The following THADA variants were observed in gnomAD, a reference collection of about 807,000 sequenced individuals.
THADA encodes the protein THADA armadillo repeat containing.
Under a neutral mutation model 219.8 loss-of-function variants are expected in THADA, and 213 were observed. The observed-to-expected ratio is 0.97, with a 90% CI of 0.87 to 1.09. THADA has a LOEUF of 1.09. Ranked by LOEUF, THADA falls within the 50% of genes least tolerant of loss-of-function variation. The pLI, the probability that THADA is intolerant of heterozygous loss-of-function variation, is 0.00. For missense variants in THADA, 2,956 were observed against 2,311.3 expected (o/e 1.28, Z -5.72); for synonymous variants, 1,018 against 828.9 (o/e 1.23, Z -3.92).
Position 43,448,616 on chromosome 2 carries a change from T to G in THADA, c.3837-18314A>C, listed in dbSNP as rs1440181086. 6.3e-5 allele frequency among the ~76,000 whole-genome samples: 9 copies of G among 143,934 alleles called. No individual in the cohort carries two copies. The East Asian group carries it at 1.7e-3, about 28-fold the overall frequency. The allele number at this position is 143,934 out of a possible 152,430, so 94.4% of individuals were successfully genotyped here. Reference sequence around the variant, plus strand: ...CTTCTTCATTTTTCTCTTTTCCCACTTTCAGAAGACAGATATTTAAAGTCT... The same window carrying G: ...CTTCTTCATTTTTCTCTTTTCCCACGTTCAGAAGACAGATATTTAAAGTCT... On this transcript the variant is annotated intron_variant, in intron 26 of 37. Transcript: ENST00000405975.
At chr2:43,520,634 G>A (rs1439927520) in intron 22 of THADA, among the ~76,000 whole-genome samples, 1 of 151,776 alleles carries the variant, frequency 6.6e-6, no homozygotes, top group South Asian at 2.1e-4. Context: ...AGGCTGCAAT[G>A]AGCCAATATC....
At chr2:43,296,209 G>A (rs1380211428) in intron 31 of THADA, among the ~76,000 whole-genome samples, 8 of 150,622 alleles carry the variant, frequency 5.3e-5, no homozygotes, top group East Asian at 2.0e-4. Flanking sequence ...GAGCCACCGT[G>A]CCCGGCCATA....
chr2:43,507,427 G>GACAC (rs1177158580), intron 23 of THADA, among the ~76,000 whole-genome samples: 1 of 152,140 alleles, frequency 6.6e-6, no homozygotes, highest in Non-Finnish European at 1.5e-5. Flanking sequence ...ACAGACAAAT[G>GACAC]ACACGTAAAA....
At chr2:43,568,429 C>T (rs1483340561) in intron 14 of THADA, among the ~76,000 whole-genome samples, 1 of 152,108 alleles carries the variant, frequency 6.6e-6, no homozygotes. Context: ...CAATATAGTG[C>T]CAAGGTCACA....
At chr2:43,411,090 C>T (rs1573518908) in intron 28 of THADA, among the ~76,000 whole-genome samples, 1 of 152,172 alleles carries the variant, frequency 6.6e-6, no homozygotes, top group African/African-American at 2.4e-5. Context: ...CACTTAAATC[C>T]TAACAATCAC....
intron 28 of THADA, among the ~76,000 whole-genome samples, chr2:43,416,772 C>T (rs13015058): frequency 2.6e-5 from 4 of 152,042 alleles, no homozygotes; most frequent in Admixed American, 6.5e-5. Context: ...AAACCAAGGG[C>T]GGTGTGAACC....
intron 36 of THADA, among the ~76,000 whole-genome samples, chr2:43,266,222 A>C (rs1250697402): frequency 6.6e-6 from 1 of 152,146 alleles, no homozygotes; most frequent in Non-Finnish European, 1.5e-5. Flanking sequence ...CTCAAACCCC[A>C]TGTCCACTTT....
chr2:43,242,984 TCTC>T (rs1668769945), intron 36 of THADA, among the ~76,000 whole-genome samples: 1 of 152,178 alleles, frequency 6.6e-6, no homozygotes, highest in Admixed American at 6.5e-5. Flanking sequence ...CTAGCTGACT[TCTC>T]CTAATGTGAA....
intron 30 of THADA, among the ~76,000 whole-genome samples, chr2:43,326,461 A>G (rs1378360588): frequency 6.6e-6 from 1 of 152,170 alleles, no homozygotes; most frequent in Admixed American, 6.5e-5. Flanking sequence ...GGAATGGCAG[A>G]GGTGGGTTAT....
chr2:43,522,300 C>G (rs1291219563), intron 22 of THADA, among the ~76,000 whole-genome samples: 3 of 152,168 alleles, frequency 2.0e-5, no homozygotes, highest in Non-Finnish European at 4.4e-5. Context: ...CTTAACCTCC[C>G]TCACCACTAT....
chr2:43,230,886 T>A lies in THADA; in HGVS notation c.*62A>T. 6.6e-7 allele frequency: 1 copy of A among 1,514,596 alleles called. No individual in the cohort carries two copies. Among genetic ancestry groups the A allele is most frequent in the Non-Finnish European group, 8.9e-7 (1 of 1,129,926 alleles). The allele number at this position is 1,514,596 out of a possible 1,614,324, so 93.8% of individuals were successfully genotyped here. A position where few individuals can be genotyped will look rare whatever the true frequency, so the allele number is the denominator to read the frequency against. On this transcript the variant is annotated 3_prime_UTR_variant, in exon 38 of 38. Coordinates refer to ENST00000405975, the MANE Select transcript of THADA (RefSeq NM_022065.5). ...TTTTTGAATTTATGTTCAACATGTT[T>A]CCTGCAGATTTAGTGGAGGAAAAAT...
Position 43,230,853 on chromosome 2 carries a change from G to T in THADA, c.*95C>A. On this transcript the variant is annotated 3_prime_UTR_variant, in exon 38 of 38. Coordinates refer to ENST00000405975, the MANE Select transcript of THADA (RefSeq NM_022065.5). ...CACAGAAGTAGGGGAGGCATGAATG[G>T]GATAAAATTTTTGAATTTATGTTCA... 1.4e-6 allele frequency: 2 copies of T among 1,390,388 alleles called. No individual in the cohort carries two copies. Among genetic ancestry groups the T allele is most frequent in the Non-Finnish European group, 9.7e-7 (1 of 1,034,616 alleles). 86.1% of individuals were successfully genotyped at this position (1,390,388 alleles called of 1,614,324 possible).
chr2:43,587,812 C>T (rs554439321), intron 4 of THADA, among the ~76,000 whole-genome samples: 88 of 152,226 alleles, frequency 5.8e-4, no homozygotes, highest in South Asian at 2.1e-3. Context: ...CATTCTACCC[C>T]CAGTTCCTAG....
chr2:43,551,599 T>G (rs1407217232), intron 19 of THADA, among the ~76,000 whole-genome samples, 190 bp downstream of exon 19: 3 of 151,816 alleles, frequency 2.0e-5, no homozygotes, highest in Non-Finnish European at 2.9e-5. Context: ...ATTTTTTTTT[T>G]TTTTTTTTTG....
At chr2:43,487,633 T>C (rs962887520) in intron 25 of THADA, among the ~76,000 whole-genome samples, 1 of 152,160 alleles carries the variant, frequency 6.6e-6, no homozygotes, top group Non-Finnish European at 1.5e-5. Flanking sequence ...AGGAGTTAGG[T>C]GGTGGAGGCC....
rs768312640 is a variant in THADA, at chr2:43,572,900, C to T, written c.1822G>A (p.Gly608Arg). Residue 608 changes from glycine (G) to arginine (R), a missense_variant, in exon 12 of 38, where the codon GGA becomes AGA. Transcript: ENST00000405975. ...GTATCAGTTGCAGACTGAAGATGTC[C>T]ATGAGCTCTAGCTATTCGCAGACAT... is the stretch of plus-strand genomic sequence containing the variant. ...MACLRIARAH[G>R]HLQSATDTWE... 2.5e-6 allele frequency: 4 copies of T among 1,613,936 alleles called. No homozygotes were observed. In the South Asian group the frequency reaches 4.4e-5, roughly 18 times the overall value.
At chr2:43,322,937 C>G (rs1053036019) in intron 30 of THADA, among the ~76,000 whole-genome samples, 1 of 151,996 alleles carries the variant, frequency 6.6e-6, no homozygotes, top group South Asian at 2.1e-4. Flanking sequence ...CCACCTGCCT[C>G]GGCCTCCCAA....
rs745390860 is a variant in THADA, at chr2:43,556,488, T to A, written c.2531A>T (p.Asp844Val). The A allele has an allele frequency of 6.2e-7, 1 of 1,613,898 alleles. No homozygotes were observed. Among genetic ancestry groups the A allele is most frequent in the Non-Finnish European group, 8.5e-7 (1 of 1,179,832 alleles). The change falls in exon 17 of 38, where the codon GAC becomes GTC. Residue 844 changes from aspartate to valine, a missense_variant. Transcript: ENST00000405975. ...CAGCAGGTAGGAAGCTGTCACACAG[T>A]CGTATGGTTTGGTGCTTGTGCTGAG... ...LELSTSTKPY[D>V]CVTASYLLNF...
chr2:43,515,309 TATA>T (rs1323203168), intron 22 of THADA, among the ~76,000 whole-genome samples: 6 of 59,980 alleles, frequency 1.0e-4, no homozygotes, highest in South Asian at 4.4e-4. Flanking sequence ...ATATGTAATA[TATA>T]ATATTTTATA....
Sources: gnomAD v4.1 joint callset for allele counts (sites outside exome capture counted in the v4.1 genomes callset) on GRCh38, gnomAD v4.1.1 for gene constraint, MANE v1.5 for transcripts, NCBI Gene and HGNC (gene_info 2026-07-23, HGNC 2026-07-21) for gene names.